Variants in SLC25A51 observed in about 807,000 individuals in gnomAD.
SLC25A51 encodes mitochondrial nicotinamide adenine dinucleotide transporter SLC25A51.
SLC25A51 carries 11 observed loss-of-function variants against 19.1 expected under a neutral mutation model. That is an observed-to-expected ratio of 0.58 (90% CI 0.36 to 0.96). SLC25A51 has a LOEUF of 0.96. Among genes scored for constraint, SLC25A51 ranks in the 40% least tolerant of loss-of-function variants. The probability of loss-of-function intolerance (pLI) is 0.01; values close to 1 mark genes in which losing one functional copy is unlikely to be tolerated. For missense variants in SLC25A51, 201 were observed against 365.4 expected, an observed-to-expected ratio of 0.55 and a Z score of 3.67; for synonymous variants, 105 against 133.6, an observed-to-expected ratio of 0.79 and a Z score of 1.47.
chr9:37,884,252 G>GA (rs1831403800), downstream of SLC25A51, among the ~76,000 whole-genome samples: 2 of 152,246 alleles, frequency 1.3e-5, no homozygotes, highest in South Asian at 2.1e-4. Context: ...GTTTCATCTG[G>GA]AAAAAATATT....
intron 2 of SLC25A51, among the ~76,000 whole-genome samples, chr9:37,889,725 A>T (rs1050125388): frequency 4.0e-5 from 6 of 148,334 alleles, no homozygotes; most frequent in Non-Finnish European, 8.9e-5. Flanking sequence ...CTGGGATAAG[A>T]GGTGGCTATA....
intron 2 of SLC25A51, among the ~76,000 whole-genome samples, chr9:37,896,856 A>C (rs959528429): frequency 6.6e-6 from 1 of 152,192 alleles, no homozygotes; most frequent in African/African-American, 2.4e-5. Context: ...TGGTATTTAG[A>C]TGGAAAGAGT....
intron 2 of SLC25A51, among the ~76,000 whole-genome samples, chr9:37,890,016 A>T (rs2118326954): frequency 6.6e-6 from 1 of 151,976 alleles, no homozygotes; most frequent in African/African-American, 2.4e-5. Context: ...AATATATATA[A>T]ATATATACAC....
chr9:37,885,326 AG>A (rs1831423693), downstream of SLC25A51, among the ~76,000 whole-genome samples: 1 of 141,450 alleles, frequency 7.1e-6, no homozygotes, highest in Non-Finnish European at 1.5e-5. Context: ...ATTAGCCTAA[AG>A]CTCTTAGGTA....
At chr9:37,891,392 G>A (rs1329286964) in intron 2 of SLC25A51, among the ~76,000 whole-genome samples, 18 of 152,216 alleles carry the variant, frequency 1.2e-4, no homozygotes, top group African/African-American at 1.7e-4. Context: ...CCATGATGAC[G>A]ATGGCGGTTT....
chr9:37,883,875 T>C (rs1175819702), downstream of SLC25A51, among the ~76,000 whole-genome samples: 1 of 152,248 alleles, frequency 6.6e-6, no homozygotes, highest in Non-Finnish European at 1.5e-5. Context: ...AGCTGCTGTA[T>C]GGCTATTTAG....
intron 2 of SLC25A51, among the ~76,000 whole-genome samples, chr9:37,891,415 A>T (rs1313059645): frequency 1.3e-5 from 2 of 152,238 alleles, no homozygotes; most frequent in Admixed American, 1.3e-4. Context: ...TCGAATAGAA[A>T]AGGGGGAAAT....
downstream of SLC25A51, among the ~76,000 whole-genome samples, chr9:37,883,677 T>C (rs530189987): frequency 1.3e-4 from 20 of 152,320 alleles, no homozygotes; most frequent in African/African-American, 4.8e-4. Flanking sequence ...ACACGCATGA[T>C]TGAGGGGGTC....
At position 37,888,668 on chromosome 9, in the gene SLC25A51, CT is replaced by C. The variant is rs1564067476; in HGVS notation, c.-42-77del. The C allele has an allele frequency of 3.5e-6, 4 of 1,149,888 alleles. No individual in the cohort carries two copies. In the Admixed American group the frequency reaches 7.5e-5, roughly 22 times the overall value. 71.2% of individuals were successfully genotyped at this position (1,149,888 alleles called of 1,614,324 possible). ...ACATGGGCTTTCTCCCTAATCCATCCTCTAATATCTGGACACCACACTTTCC... is the reference window on the plus strand; with the variant it reads ...ACATGGGCTTTCTCCCTAATCCATCCCTAATATCTGGACACCACACTTTCC... On this transcript the variant is annotated intron_variant, in intron 2 of 2. Transcript: ENST00000242275.
At chr9:37,886,318 T>C (rs1325599274), downstream of SLC25A51, 6 of 1,613,928 alleles carry the variant, frequency 3.7e-6, no homozygotes, top group Non-Finnish European at 5.1e-6. Context: ...CTGGAGACAA[T>C]ATCCCTGAGG....
chr9:37,894,038 A>G (rs1659825339), intron 2 of SLC25A51, among the ~76,000 whole-genome samples: 1 of 152,192 alleles, frequency 6.6e-6, no homozygotes, highest in Non-Finnish European at 1.5e-5. Context: ...GTATGTAACA[A>G]TGCATTTTGG....
At chr9:37,903,712 G>A (rs1831907941) in intron 1 of SLC25A51, 1 of 152,308 alleles carries the variant, frequency 6.6e-6, no homozygotes, top group Non-Finnish European at 1.5e-5. Flanking sequence ...CCCGGGCGCA[G>A]GCAGCTCCCG....
intron 3 of SLC25A51, chr9:37,881,424 G>A (rs1157247875): frequency 1.3e-5 from 2 of 152,244 alleles, no homozygotes; most frequent in Non-Finnish European, 2.9e-5. Flanking sequence ...GGGAGGCCAA[G>A]GTGGGCAGAT....
downstream of SLC25A51, chr9:37,885,885 CCT>C: frequency 5.6e-6 from 9 of 1,598,404 alleles, no homozygotes; most frequent in African/African-American, 1.1e-4. Context: ...CAAACCCCCC[CCT>C]CCCCATATAT....
chr9:37,903,740 C>G (rs1159464675), intron 1 of SLC25A51: 1 of 152,298 alleles, frequency 6.6e-6, no homozygotes, highest in African/African-American at 2.4e-5. Flanking sequence ...CCCGCCCCTG[C>G]GGTTCCTGTG....
In SLC25A51 at chr9:37,888,431, T is replaced by C; in HGVS notation, c.120A>G (p.Ala40=). ...EMKHYLCGCC[A]AFNNVAITFP... ...ATGTGATTGCGACATTGTTGAAGGC[T>C]GCACAGCAGCCACACAAGTAATGCT... is the stretch of plus-strand genomic sequence containing the variant. Residue 40 remains alanine, a synonymous_variant, in exon 3 of 3, where the codon GCA becomes GCG. Coordinates refer to ENST00000242275, the MANE Select transcript of SLC25A51 (RefSeq NM_033412.4). 6.2e-7 allele frequency: 1 copy of C among 1,614,274 alleles called. No individual in the cohort carries two copies. The highest frequency in any genetic ancestry group is 1.1e-5 in the South Asian group (1 of 91,090).
intron 2 of SLC25A51, among the ~76,000 whole-genome samples, chr9:37,898,575 C>T (rs1340796140): frequency 2.0e-5 from 3 of 151,444 alleles, no homozygotes; most frequent in Non-Finnish European, 2.9e-5. Context: ...AAAAATTAGC[C>T]GGGCATGGTG....
chr9:37,903,221 A>G (rs1009137048), intron 1 of SLC25A51, among the ~76,000 whole-genome samples: 4 of 152,198 alleles, frequency 2.6e-5, no homozygotes, highest in Non-Finnish European at 5.9e-5. Context: ...AAGCACGGGC[A>G]GAGGCGGCTC....
rs900668791 is a variant in SLC25A51, at chr9:37,899,926, G to C, written c.-140C>G. On this transcript the variant is annotated 5_prime_UTR_variant, in exon 2 of 3. The change creates a premature stop within an existing upstream ORF in the 5' untranslated region. Coordinates refer to ENST00000242275, the MANE Select transcript of SLC25A51 (RefSeq NM_033412.4). The stretch of plus-strand genomic sequence containing the variant: ...TTGTTCTGTTAGGTTCTCTCTTCTT[G>C]AGTCAATTTTGATAACTGGATTTCC... 6.9e-6 allele frequency: 1 copy of C among 145,704 alleles called. No individual in the cohort carries two copies. The highest frequency in any genetic ancestry group is 7.5e-5 in the Admixed American group (1 of 13,400). The allele number at this position is 145,704 out of a possible 1,614,324, so 9.0% of individuals were successfully genotyped here. A position where few individuals can be genotyped will look rare whatever the true frequency, so the allele number is the denominator to read the frequency against.
Sources: gnomAD v4.1 joint callset for allele counts (sites outside exome capture counted in the v4.1 genomes callset) on GRCh38, gnomAD v4.1.1 for gene constraint, MANE v1.5 for transcripts, NCBI Gene and HGNC (gene_info 2026-07-23, HGNC 2026-07-21) for gene names.